The following MTHFD1L variants were observed in gnomAD, a reference collection of about 807,000 sequenced individuals.
MTHFD1L encodes the protein monofunctional C1-tetrahydrofolate synthase, mitochondrial.
A neutral mutation model predicts 119.5 loss-of-function variants in MTHFD1L; 81 were observed. That is an observed-to-expected ratio of 0.68 (90% CI 0.57 to 0.82). The LOEUF (loss-of-function observed/expected upper bound fraction) is 0.82. Among genes scored for constraint, MTHFD1L ranks in the 40% least tolerant of loss-of-function variants. The probability of loss-of-function intolerance (pLI) is 0.00; values close to 1 mark genes in which losing one functional copy is unlikely to be tolerated. For synonymous variants in MTHFD1L, 430 were observed against 475.2 expected, an observed-to-expected ratio of 0.90 and a Z score of 1.24; for missense variants, 1,125 against 1,253.4, an observed-to-expected ratio of 0.90 and a Z score of 1.55.
At chr6:150,944,340 CA>C (rs1464057853) in intron 13 of MTHFD1L, 145 bp from the exon 14 acceptor site, 2 of 633,358 alleles carry the variant, frequency 3.2e-6, no homozygotes, top group African/African-American at 1.8e-5. Flanking sequence ...CCAGCCTACT[CA>C]GTAGGCTTAG....
intron 24 of MTHFD1L, among the ~76,000 whole-genome samples, chr6:151,018,045 CA>C (rs1443287173): frequency 6.6e-6 from 1 of 151,892 alleles, no homozygotes; most frequent in East Asian, 1.9e-4. Context: ...CTGAGCTTCC[CA>C]GGGCTCACTC....
intron 26 of MTHFD1L, among the ~76,000 whole-genome samples, chr6:151,048,667 TG>T (rs1788485415): frequency 6.6e-6 from 1 of 152,204 alleles, no homozygotes. Flanking sequence ...CTAGTTCTTT[TG>T]GGATCAATGT....
chr6:151,092,321 C>T, intron 26 of MTHFD1L, 146 bp from the exon 27 acceptor site: 1 of 547,536 alleles, frequency 1.8e-6, no homozygotes, highest in Admixed American at 3.7e-5. Flanking sequence ...ATTGAAATAT[C>T]AGATGACAAA....
chr6:150,879,700 T>G (rs12205856), intron 4 of MTHFD1L, among the ~76,000 whole-genome samples: 10,020 of 135,064 alleles, frequency 0.074, 532 homozygotes, highest in East Asian at 0.25. Flanking sequence ...CGCAATCTCC[T>G]CTCACTGCAA....
chr6:150,987,053 A>G (rs1778410916), intron 20 of MTHFD1L, among the ~76,000 whole-genome samples: 1 of 152,166 alleles, frequency 6.6e-6, no homozygotes, highest in Non-Finnish European at 1.5e-5. Context: ...ATGAAGAAAA[A>G]CAGAAACAAG....
chr6:150,964,011 C>A (rs1796836198), intron 18 of MTHFD1L, among the ~76,000 whole-genome samples: 1 of 151,898 alleles, frequency 6.6e-6, no homozygotes, highest in Non-Finnish European at 1.5e-5. Flanking sequence ...GCTAAAAATA[C>A]AAAAAAAATT....
chr6:151,008,854 T>C (rs931639712), intron 20 of MTHFD1L, among the ~76,000 whole-genome samples: 5 of 151,992 alleles, frequency 3.3e-5, no homozygotes, highest in Non-Finnish European at 7.4e-5. Context: ...TGGTGGCTCA[T>C]GCCTGTAATC....
At chr6:150,912,537 C>G (rs1787098184) in intron 8 of MTHFD1L, 1 of 276,158 alleles carries the variant, frequency 3.6e-6, no homozygotes, top group Admixed American at 4.2e-5. Context: ...TTTCCTGCAT[C>G]CCTCCCACTG....
chr6:150,886,980 G>A, intron 6 of MTHFD1L, among the ~76,000 whole-genome samples: 1 of 143,934 alleles, frequency 6.9e-6, no homozygotes, highest in Non-Finnish European at 1.5e-5. Flanking sequence ...TGGGCAACAA[G>A]CAAGATCCTA....
intron 7 of MTHFD1L, among the ~76,000 whole-genome samples, chr6:150,903,222 T>C (rs1276610757): frequency 7.3e-6 from 1 of 137,064 alleles, no homozygotes; most frequent in African/African-American, 2.8e-5. Context: ...TTTTTTTTTT[T>C]TTTTTTTTTT....
intron 7 of MTHFD1L, among the ~76,000 whole-genome samples, chr6:150,894,566 C>G (rs6899959): frequency 0.043 from 6,573 of 152,248 alleles, 466 homozygotes; most frequent in African/African-American, 0.15. Context: ...TCCCTTCCTC[C>G]AAAGCTGTGG....
chr6:151,066,924 A>G (rs17354394), intron 26 of MTHFD1L, among the ~76,000 whole-genome samples: 14,050 of 151,830 alleles, frequency 0.093, 823 homozygotes, highest in South Asian at 0.18. Context: ...TTCCTTTCAT[A>G]TTCAGCTCAT....
chr6:150,994,796 G>C (rs1021860917), intron 20 of MTHFD1L, among the ~76,000 whole-genome samples: 3 of 152,104 alleles, frequency 2.0e-5, no homozygotes, highest in African/African-American at 7.2e-5. Context: ...TAGTTGAATC[G>C]ATTGGGATAC....
At chr6:151,079,941 G>A (rs754513582) in intron 26 of MTHFD1L, among the ~76,000 whole-genome samples, 49 of 151,484 alleles carry the variant, frequency 3.2e-4, no homozygotes, top group Admixed American at 1.4e-3. Flanking sequence ...TTGGAGAGCC[G>A]AGGTAGGCGG....
rs750300124 is a variant in MTHFD1L at position 150,936,895 on chromosome 6, G to A, written c.1348G>A (p.Ala450Thr). ...LTAHLNVNSFACLRQPSQGPT... is the reference protein window; with the variant it reads ...LTAHLNVNSFTCLRQPSQGPT... ...CGCACACCTGAATGTCAACTCCTTT[G>A]CCTGCTTGAGGCAGCCTTCCCAAGG... The change falls in exon 12 of 28, where the codon GCC (alanine) becomes ACC (threonine). Residue 450 changes from alanine (A) to threonine (T), a missense_variant. Physicochemically the swap from Ala to Thr is moderately conservative, Grantham distance 58. Transcript: ENST00000367321. The A allele has an allele frequency of 3.7e-6, 6 of 1,613,972 alleles. No homozygotes were observed. The highest frequency in any genetic ancestry group is 5.1e-6 in the Non-Finnish European group (6 of 1,180,026).
chr6:150,987,994 A>G (rs1778543064), intron 20 of MTHFD1L, among the ~76,000 whole-genome samples: 1 of 152,196 alleles, frequency 6.6e-6, no homozygotes, highest in South Asian at 2.1e-4. Flanking sequence ...ATGTGCTGTA[A>G]GATGCAGATT....
At chr6:151,006,905 G>A (rs1410095816) in intron 20 of MTHFD1L, among the ~76,000 whole-genome samples, 2 of 151,970 alleles carry the variant, frequency 1.3e-5, no homozygotes, top group Non-Finnish European at 1.5e-5. Flanking sequence ...TCCAACTATA[G>A]GGCGACATTA....
intron 26 of MTHFD1L, among the ~76,000 whole-genome samples, chr6:151,050,094 A>G (rs553703897): frequency 6.6e-6 from 1 of 152,202 alleles, no homozygotes; most frequent in Non-Finnish European, 1.5e-5. Flanking sequence ...CGGGCATGGA[A>G]GTTCTGCACC....
At chr6:151,029,861 T>C (rs1785100166) in intron 24 of MTHFD1L, among the ~76,000 whole-genome samples, 1 of 152,224 alleles carries the variant, frequency 6.6e-6, no homozygotes, top group South Asian at 2.1e-4. Context: ...AGTCATTCGA[T>C]TGCTATTACT....
Sources: allele counts gnomAD v4.1 joint callset (sites outside exome capture counted in the v4.1 genomes callset), GRCh38; gene constraint gnomAD v4.1.1; transcripts MANE v1.5; gene names NCBI Gene and HGNC (gene_info 2026-07-23, HGNC 2026-07-21).